GALNTL6: variants seen among roughly 807,000 people sequenced by gnomAD.
The protein encoded by GALNTL6 is polypeptide N-acetylgalactosaminyltransferase-like 6.
GALNTL6 carries 46 observed loss-of-function variants against 73.7 expected under a neutral mutation model. That is an observed-to-expected ratio of 0.62 (90% CI 0.49 to 0.80). The LOEUF (loss-of-function observed/expected upper bound fraction) is 0.80. GALNTL6 is among the 30% of genes least tolerant of loss of function. GALNTL6 has a pLI of 0.00. For missense variants in GALNTL6, 604 were observed against 755.0 expected (o/e 0.80, Z 2.34); for synonymous variants, 259 against 263.7 (o/e 0.98, Z 0.17).
intron 5 of GALNTL6, among the ~76,000 whole-genome samples, chr4:172,596,858 T>A (rs970749977): frequency 2.0e-5 from 3 of 152,210 alleles, no homozygotes; most frequent in African/African-American, 7.2e-5. Flanking sequence ...TATTCAAACT[T>A]ACTATGTAGA....
intron 3 of GALNTL6, among the ~76,000 whole-genome samples, chr4:172,248,662 G>C (rs1273755726): frequency 1.3e-5 from 2 of 152,038 alleles, no homozygotes; most frequent in Non-Finnish European, 2.9e-5. Flanking sequence ...AATTCCCAAG[G>C]GTCCTGAGAG....
chr4:172,447,319 C>G (rs1220182563), intron 5 of GALNTL6, among the ~76,000 whole-genome samples: 1 of 152,140 alleles, frequency 6.6e-6, no homozygotes, highest in Non-Finnish European at 1.5e-5. Context: ...ATTCTGCCCT[C>G]AAAGACTGAG....
At chr4:172,557,278 T>G (rs1212097783) in intron 5 of GALNTL6, among the ~76,000 whole-genome samples, 1 of 152,130 alleles carries the variant, frequency 6.6e-6, no homozygotes, top group African/African-American at 2.4e-5. Flanking sequence ...AGTAGTTTCC[T>G]CATACATTAA....
intron 5 of GALNTL6, among the ~76,000 whole-genome samples, chr4:172,388,747 A>G (rs1245504448): frequency 6.6e-6 from 1 of 152,068 alleles, no homozygotes; most frequent in South Asian, 2.1e-4. Flanking sequence ...ATGAGAAAAA[A>G]ATTTGAGGAA....
chr4:171,942,379 C>A lies in GALNTL6; in HGVS notation c.138+127661C>A, dbSNP rs1738578197. 3.3e-5 allele frequency among the ~76,000 whole-genome samples: 5 copies of A among 151,934 alleles called. No individual in the cohort carries two copies. The South Asian group carries it at 8.3e-4, about 25-fold the overall frequency. ...GAATGGCCTACTGCATGCCATGTAGCCATGATGTTTTGTATTTTCTTATTT... is the reference window on the plus strand; with the variant it reads ...GAATGGCCTACTGCATGCCATGTAGACATGATGTTTTGTATTTTCTTATTT... On this transcript the variant is annotated intron_variant, in intron 2 of 12. Transcript: ENST00000506823.
At chr4:171,988,418 A>T (rs531654601) in intron 2 of GALNTL6, among the ~76,000 whole-genome samples, 96 of 152,262 alleles carry the variant, frequency 6.3e-4, no homozygotes, top group African/African-American at 2.3e-3. Flanking sequence ...CAGCCCAGGT[A>T]ATTTGCTGAG....
chr4:172,119,529 A>G (rs901460557), intron 2 of GALNTL6, among the ~76,000 whole-genome samples: 2 of 152,218 alleles, frequency 1.3e-5, no homozygotes, highest in Non-Finnish European at 1.5e-5. Flanking sequence ...ACGTTATAAC[A>G]TTCTGAAAAA....
At chr4:172,854,580 C>T (rs1744026392) in intron 7 of GALNTL6, among the ~76,000 whole-genome samples, 1 of 152,020 alleles carries the variant, frequency 6.6e-6, no homozygotes, top group South Asian at 2.1e-4. Context: ...TCAGAATAGC[C>T]TAAATTTTCC....
rs1190943161 is a variant in GALNTL6 at position 172,138,511 on chromosome 4, A to T, written c.139-91145A>T. Among the ~76,000 whole-genome samples the T allele has an allele frequency of 6.5e-3, 64 of 9,900 alleles. 6 individuals are homozygous for T. The highest frequency in any genetic ancestry group is 0.02 in the East Asian group (12 of 594). 6.5% of individuals were successfully genotyped at this position (9,900 alleles called of 152,430 possible). A position where few individuals can be genotyped will look rare whatever the true frequency, so the allele number is the denominator to read the frequency against. ...TATATATATATATATATATATATAT[A>T]TATTTTTTTTTTTTTTTTTTTTTTT... On this transcript the variant is annotated intron_variant, in intron 2 of 12. Coordinates refer to ENST00000506823, the MANE Select transcript of GALNTL6 (RefSeq NM_001034845.3).
At chr4:172,430,307 A>AAGAG (rs945989671) in intron 5 of GALNTL6, among the ~76,000 whole-genome samples, 1 of 151,862 alleles carries the variant, frequency 6.6e-6, no homozygotes, top group South Asian at 2.1e-4. Context: ...GAGAGACAGA[A>AAGAG]AGAGAGAGAG....
At chr4:171,822,006 G>T (rs1298912756) in intron 2 of GALNTL6, among the ~76,000 whole-genome samples, 1 of 151,722 alleles carries the variant, frequency 6.6e-6, no homozygotes, top group Non-Finnish European at 1.5e-5. Flanking sequence ...TAATAAAAAA[G>T]AAAAGAAAAA....
At chr4:172,735,312 G>T (rs1040996029) in intron 5 of GALNTL6, among the ~76,000 whole-genome samples, 2 of 152,168 alleles carry the variant, frequency 1.3e-5, no homozygotes, top group African/African-American at 4.8e-5. Flanking sequence ...TGGACTCAAA[G>T]GAGATTATTT....
At chr4:171,981,914 A>C (rs1282650697) in intron 2 of GALNTL6, among the ~76,000 whole-genome samples, 1 of 151,986 alleles carries the variant, frequency 6.6e-6, no homozygotes, top group African/African-American at 2.4e-5. Context: ...ATTTATATAT[A>C]TATTTTAACT....
intron 5 of GALNTL6, among the ~76,000 whole-genome samples, chr4:172,787,521 T>A (rs1048414220): frequency 5.3e-5 from 8 of 152,206 alleles, no homozygotes; most frequent in African/African-American, 1.7e-4. Context: ...ATCCCAAAAC[T>A]AGTAGCCATT....
Position 172,423,808 on chromosome 4 carries a change from T to C in GALNTL6, c.553+75119T>C, listed in dbSNP as rs950336861. Among the ~76,000 whole-genome samples the C allele has an allele frequency of 3.3e-5, 5 of 152,226 alleles. No homozygotes were observed. The Middle Eastern group carries it at 0.014, about 414-fold the overall frequency. ...TAGTAACCACTCAAGAAATGTTTGT[T>C]AAATGAATGAATTAGGTACAGTAAG... On this transcript the variant is annotated intron_variant, in intron 5 of 12. Coordinates refer to ENST00000506823, the MANE Select transcript of GALNTL6 (RefSeq NM_001034845.3).
intron 2 of GALNTL6, among the ~76,000 whole-genome samples, chr4:172,021,016 T>C (rs1306764968): frequency 6.6e-6 from 1 of 152,048 alleles, no homozygotes; most frequent in East Asian, 1.9e-4. Context: ...AATCAATCAA[T>C]GTGATACATA....
chr4:172,872,284 T>C (rs1330829166), intron 7 of GALNTL6, among the ~76,000 whole-genome samples: 1 of 152,198 alleles, frequency 6.6e-6, no homozygotes, highest in East Asian at 1.9e-4. Context: ...CTAATTTTTT[T>C]CCTCAGATTA....
At chr4:172,628,047 A>G (rs1374907657) in intron 5 of GALNTL6, among the ~76,000 whole-genome samples, 1 of 152,080 alleles carries the variant, frequency 6.6e-6, no homozygotes, top group African/African-American at 2.4e-5. Flanking sequence ...GCTCTATGAA[A>G]TAAAGAAAAA....
At chr4:172,344,505 C>T (rs1741674850) in intron 4 of GALNTL6, among the ~76,000 whole-genome samples, 1 of 152,194 alleles carries the variant, frequency 6.6e-6, no homozygotes, top group Non-Finnish European at 1.5e-5. Flanking sequence ...ATTACAAGGG[C>T]TAATCTTTCT....
Sources: gnomAD v4.1 joint callset for allele counts (sites outside exome capture counted in the v4.1 genomes callset) on GRCh38, gnomAD v4.1.1 for gene constraint, MANE v1.5 for transcripts, NCBI Gene and HGNC (gene_info 2026-07-23, HGNC 2026-07-21) for gene names.